Variants in DLG3 observed in about 807,000 individuals in gnomAD.
The protein encoded by DLG3 is discs large MAGUK scaffold protein 3, also known as disks large homolog 3.
In DLG3, 1 loss-of-function variant was observed where a neutral mutation model predicts 64.1. The observed-to-expected ratio is 0.02, with a 90% CI of 0.01 to 0.07. The LOEUF is 0.07. Among genes scored for constraint, DLG3 ranks in the 10% least tolerant of loss-of-function variants. The pLI is 1.00. For synonymous variants in DLG3, 245 were observed against 259.8 expected, an observed-to-expected ratio of 0.94 and a Z score of 0.55; for missense variants, 429 against 669.5, an observed-to-expected ratio of 0.64 and a Z score of 3.96.
chrX:70,478,515 G>A (rs1357157155), intron 9 of DLG3, among the ~76,000 whole-genome samples: 1 of 111,418 alleles, frequency 9.0e-6, no homozygotes, highest in Non-Finnish European at 1.9e-5. Flanking sequence ...AAGCCAAAGA[G>A]GCTATTGGTT....
At chrX:70,458,982 A>ATTTTTCTGTGAC (rs1459933009) in intron 9 of DLG3, among the ~76,000 whole-genome samples, 1 of 112,511 alleles carries the variant, frequency 8.9e-6, no homozygotes, top group Non-Finnish European at 1.9e-5. Flanking sequence ...GACTTGTGGA[A>ATTTTTCTGTGAC]TTGTCCCACC....
chrX:70,493,282 T>G, intron 12 of DLG3: 5 of 715,196 alleles, frequency 7.0e-6, no homozygotes, highest in Non-Finnish European at 1.1e-5. Flanking sequence ...CTCACCGTTG[T>G]CTCCATTTTA....
chrX:70,459,318 C>T (rs2086765216), intron 9 of DLG3, among the ~76,000 whole-genome samples: 1 of 112,418 alleles, frequency 8.9e-6, no homozygotes, highest in Non-Finnish European at 1.9e-5. Context: ...CATGGAAACA[C>T]CTTTGGGTAA....
chrX:70,492,030 C>G lies in DLG3; in HGVS notation c.1521-77C>G, dbSNP rs777777960. 6 of 1,082,798 alleles carry G rather than the reference C, an allele frequency of 5.5e-6. No homozygotes were observed. In the South Asian group the frequency reaches 1.2e-4, roughly 21 times the overall value. The allele number at this position is 1,082,798 out of a possible 1,213,427, so 89.2% of individuals were successfully genotyped here. A position where few individuals can be genotyped will look rare whatever the true frequency, so the allele number is the denominator to read the frequency against. ...GCTATGTCTGTGCTGTTTGGGTTGG[C>G]CTTCCATCTTTTCAAGGTGCCAGTG... is the stretch of plus-strand genomic sequence containing the variant. On this transcript the variant is annotated intron_variant, in intron 10 of 18. Transcript: ENST00000374360.
chrX:70,464,418 A>G (rs2086854778), intron 9 of DLG3, among the ~76,000 whole-genome samples: 1 of 109,137 alleles, frequency 9.2e-6, no homozygotes, highest in Non-Finnish European at 1.9e-5. Flanking sequence ...GCATGCTACC[A>G]CACTGCTAAT....
intron 9 of DLG3, among the ~76,000 whole-genome samples, chrX:70,467,089 G>GT (rs904236899): frequency 4.5e-4 from 50 of 110,267 alleles, no homozygotes; most frequent in Non-Finnish European, 8.5e-4. Context: ...AATTTTTGTG[G>GT]TTTTTTTGTA....
intron 9 of DLG3, chrX:70,455,167 G>C: frequency 1.3e-6 from 1 of 751,276 alleles, no homozygotes; most frequent in Non-Finnish European, 1.6e-6. Flanking sequence ...CCTCCCGCGC[G>C]CCCCGCTTTG....
At chrX:70,456,297 C>G (rs1293855889) in intron 9 of DLG3, among the ~76,000 whole-genome samples, 1 of 112,709 alleles carries the variant, frequency 8.9e-6, no homozygotes, top group Non-Finnish European at 1.9e-5. Flanking sequence ...ATGCCCACAA[C>G]TTAGACAACA....
intron 10 of DLG3, among the ~76,000 whole-genome samples, chrX:70,487,470 C>G (rs1000033067): frequency 2.7e-5 from 3 of 111,898 alleles, no homozygotes; most frequent in African/African-American, 9.7e-5. Flanking sequence ...GTAGCTTCCC[C>G]AAACTAGATG....
chrX:70,454,640 T>C (rs1054280576), intron 9 of DLG3, among the ~76,000 whole-genome samples: 2 of 111,863 alleles, frequency 1.8e-5, no homozygotes, highest in Admixed American at 9.4e-5. Context: ...AGGAGAAGAC[T>C]GGGAACTGTG....
At chrX:70,499,105 C>A in intron 14 of DLG3, 71 bp from the exon 15 acceptor site, 2 of 769,997 alleles carry the variant, frequency 2.6e-6, no homozygotes, top group Non-Finnish European at 4.0e-6. Context: ...TGTGTTCTAG[C>A]CAGACTCAGG....
At chrX:70,447,094 C>T (rs915258850) in intron 1 of DLG3, among the ~76,000 whole-genome samples, 2 of 110,859 alleles carry the variant, frequency 1.8e-5, no homozygotes, top group Non-Finnish European at 3.8e-5. Context: ...TTGTCCTGCC[C>T]GGCTGGGAGA....
intron 7 of DLG3, 104 bp downstream of exon 7, chrX:70,452,130 A>G: frequency 9.0e-7 from 1 of 1,111,520 alleles, no homozygotes; most frequent in African/African-American, 1.8e-5. Context: ...GGCAAAGAAG[A>G]GGATAAGGCC....
chrX:70,483,736 G>A (rs1268953174), intron 10 of DLG3, among the ~76,000 whole-genome samples: 1 of 112,656 alleles, frequency 8.9e-6, no homozygotes, highest in African/African-American at 3.2e-5. Flanking sequence ...AAGAAGGAAC[G>A]AGAGCAGTAT....
At chrX:70,477,731 C>T (rs929016799) in intron 9 of DLG3, among the ~76,000 whole-genome samples, 1 of 111,976 alleles carries the variant, frequency 8.9e-6, no homozygotes, top group African/African-American at 3.3e-5. Context: ...AATGAAAGAG[C>T]ACACGAATTT....
chrX:70,482,957 G>A (rs1235253531), intron 10 of DLG3, among the ~76,000 whole-genome samples: 10 of 110,004 alleles, frequency 9.1e-5, no homozygotes, highest in African/African-American at 1.3e-4. Context: ...ATGAGTCACC[G>A]CGCCCTGCCC....
At chrX:70,480,454 A>G (rs1224427511) in intron 10 of DLG3, among the ~76,000 whole-genome samples, 1 of 111,346 alleles carries the variant, frequency 9.0e-6, no homozygotes, top group Non-Finnish European at 1.9e-5. Flanking sequence ...AATCTTTCCT[A>G]ATGTGAACCC....
intron 5 of DLG3, 96 bp from the exon 6 acceptor site, chrX:70,450,543 G>A: frequency 9.2e-7 from 1 of 1,084,279 alleles, no homozygotes; most frequent in South Asian, 1.9e-5. Context: ...GCCTTTGTTA[G>A]CATGCTGTTG....
chrX:70,500,843 G>A, intron 17 of DLG3, 55 bp from the exon 18 acceptor site: 1 of 1,061,992 alleles, frequency 9.4e-7, no homozygotes. Flanking sequence ...AATCCTTTAT[G>A]GTTAATCAGA....
Sources: gnomAD v4.1 joint callset for allele counts (sites outside exome capture counted in the v4.1 genomes callset) on GRCh38, gnomAD v4.1.1 for gene constraint, MANE v1.5 for transcripts, NCBI Gene and HGNC (gene_info 2026-07-23, HGNC 2026-07-21) for gene names.